PTP4A1: variants seen among roughly 807,000 people sequenced by gnomAD.
PTP4A1 encodes protein tyrosine phosphatase 4A1.
A neutral mutation model predicts 20.5 loss-of-function variants in PTP4A1; 9 were observed. The ratio of observed to expected loss-of-function variants is 0.44; its 90% CI spans 0.26 to 0.77. The LOEUF (loss-of-function observed/expected upper bound fraction) is 0.77, where lower values mean the gene tolerates loss of function less well. Ranked by LOEUF, PTP4A1 falls within the 30% of genes least tolerant of loss-of-function variation. PTP4A1 has a pLI of 0.19. For missense variants in PTP4A1, 137 were observed against 218.8 expected, an observed-to-expected ratio of 0.63 and a Z score of 2.36; for synonymous variants, 78 against 67.4, an observed-to-expected ratio of 1.16 and a Z score of -0.77.
At chr6:63,542,334 C>T (rs933685240) in intron 2 of PTP4A1, among the ~76,000 whole-genome samples, 1 of 151,646 alleles carries the variant, frequency 6.6e-6, no homozygotes, top group Non-Finnish European at 1.5e-5. Context: ...GTATACTGCT[C>T]GGGTGATGGG....
At chr6:63,518,141 G>A (rs998904794), upstream of PTP4A1, among the ~76,000 whole-genome samples, 26 of 142,018 alleles carry the variant, frequency 1.8e-4, no homozygotes, top group Non-Finnish European at 3.5e-4. Flanking sequence ...GCAACACAGT[G>A]AGACTCCGTC....
At chr6:63,572,877 TGGCCGGCCGATTGC>T (rs1177830577) in intron 1 of PTP4A1, among the ~76,000 whole-genome samples, 158 bp downstream of exon 1, 1 of 151,994 alleles carries the variant, frequency 6.6e-6, no homozygotes, top group South Asian at 2.1e-4. Flanking sequence ...TATGGCCCTG[TGGCCGGCCGATTGC>T]GGCCGGCTGT....
intron 2 of PTP4A1, among the ~76,000 whole-genome samples, chr6:63,528,944 C>T (rs1260809552): frequency 6.6e-6 from 1 of 151,798 alleles, no homozygotes; most frequent in Non-Finnish European, 1.5e-5. Context: ...CAAAAATTAG[C>T]TGGGCGTGGT....
At chr6:63,566,540 T>C (rs57356168) in intron 3 of PTP4A1, among the ~76,000 whole-genome samples, 126 of 152,188 alleles carry the variant, frequency 8.3e-4, no homozygotes, top group African/African-American at 2.9e-3. Flanking sequence ...AGAAAGGAAG[T>C]GGGGAAAACG....
intron 1 of PTP4A1, among the ~76,000 whole-genome samples, chr6:63,527,358 C>T (rs1775232707): frequency 6.6e-6 from 1 of 152,140 alleles, no homozygotes; most frequent in African/African-American, 2.4e-5. Context: ...ACCACAGTAA[C>T]CCACAGACCT....
At chr6:63,560,964 C>T (rs1166657320) in intron 3 of PTP4A1, among the ~76,000 whole-genome samples, 1 of 152,144 alleles carries the variant, frequency 6.6e-6, no homozygotes, top group Non-Finnish European at 1.5e-5. Flanking sequence ...TTATGATTCA[C>T]TTTTACTAAA....
intron 2 of PTP4A1, among the ~76,000 whole-genome samples, chr6:63,532,146 T>G (rs1775500805): frequency 6.6e-6 from 1 of 152,148 alleles, no homozygotes. Flanking sequence ...TTTATAATAG[T>G]TAATAAAGAA....
At chr6:63,522,443 T>G (rs191716061) in intron 1 of PTP4A1, among the ~76,000 whole-genome samples, 1 of 152,148 alleles carries the variant, frequency 6.6e-6, no homozygotes, top group Admixed American at 6.6e-5. Flanking sequence ...TAGTTACAAT[T>G]CAGGTGAAAC....
chr6:63,577,104 C>T, intron 2 of PTP4A1, 119 bp downstream of exon 2: 1 of 736,890 alleles, frequency 1.4e-6, no homozygotes, highest in South Asian at 1.9e-5. Context: ...ATTCCAGTTC[C>T]CAGAAATAAA....
At chr6:63,569,272 T>C (rs1777317356), upstream of PTP4A1, among the ~76,000 whole-genome samples, 1 of 152,232 alleles carries the variant, frequency 6.6e-6, no homozygotes, top group South Asian at 2.1e-4. Context: ...TATTCTTTTT[T>C]TGAAATGAAG....
At chr6:63,577,879 G>A (rs191171320) in intron 2 of PTP4A1, among the ~76,000 whole-genome samples, 34 of 149,324 alleles carry the variant, frequency 2.3e-4, no homozygotes, top group African/African-American at 8.1e-4. Context: ...ACTATATAGT[G>A]TATATAATAG....
At chr6:63,551,651 A>G (rs1226514686) in intron 3 of PTP4A1, among the ~76,000 whole-genome samples, 1 of 151,870 alleles carries the variant, frequency 6.6e-6, no homozygotes, top group African/African-American at 2.4e-5. Flanking sequence ...CTTGTCGTTT[A>G]CATTAGTTAT....
Position 63,580,186 on chromosome 6 carries a change from C to CT in PTP4A1, c.*13dup. ...GTTGCATTCAATAAAATTGGGGTGC[C>CT]TAATGCTACTGGAAGTGGAACTTGA... On this transcript the variant is annotated 3_prime_UTR_variant, in exon 6 of 6. Transcript: ENST00000626021. 3.2e-6 allele frequency: 5 copies of CT among 1,571,926 alleles called. No individual in the cohort carries two copies. Among genetic ancestry groups the CT allele is most frequent in the Non-Finnish European group, 4.4e-6 (5 of 1,143,044 alleles).
intron 2 of PTP4A1, among the ~76,000 whole-genome samples, chr6:63,531,337 T>TG (rs1217508508): frequency 6.6e-6 from 1 of 152,118 alleles, no homozygotes; most frequent in Non-Finnish European, 1.5e-5. Flanking sequence ...ATTTTCAGTC[T>TG]GGGGGTTCTC....
chr6:63,536,168 C>T (rs72506401), intron 2 of PTP4A1, among the ~76,000 whole-genome samples: 4 of 152,032 alleles, frequency 2.6e-5, no homozygotes, highest in Non-Finnish European at 4.4e-5. Flanking sequence ...CACGTCTCTA[C>T]CAAAATACAA....
intron 2 of PTP4A1, chr6:63,548,977 G>T (rs1313210667): frequency 5.4e-5 from 40 of 740,692 alleles, no homozygotes; most frequent in South Asian, 5.0e-4. Context: ...TAAGGGACCC[G>T]CATTTTATGA....
chr6:63,534,485 A>ACACC (rs1321585315), intron 2 of PTP4A1, among the ~76,000 whole-genome samples: 1 of 149,552 alleles, frequency 6.7e-6, no homozygotes, highest in East Asian at 2.0e-4. Context: ...ACACACACAC[A>ACACC]CCTCTAAAAC....
At chr6:63,522,273 T>C (rs1409880842) in intron 1 of PTP4A1, among the ~76,000 whole-genome samples, 1 of 152,228 alleles carries the variant, frequency 6.6e-6, no homozygotes, top group Non-Finnish European at 1.5e-5. Context: ...CTTATTTGAA[T>C]TTAGATGAAT....
chr6:63,526,277 A>T (rs1052850256), intron 1 of PTP4A1, among the ~76,000 whole-genome samples: 2 of 151,996 alleles, frequency 1.3e-5, no homozygotes, highest in Admixed American at 6.6e-5. Flanking sequence ...GTGAACCAAG[A>T]TCTCACCACT....
Sources: gnomAD v4.1 joint callset for allele counts (sites outside exome capture counted in the v4.1 genomes callset) on GRCh38, gnomAD v4.1.1 for gene constraint, MANE v1.5 for transcripts, NCBI Gene and HGNC (gene_info 2026-07-23, HGNC 2026-07-21) for gene names.